The following LRRC8C variants were observed in gnomAD, a reference collection of about 807,000 sequenced individuals.
LRRC8C encodes the protein leucine rich repeat containing 8 VRAC subunit C, also known as volume-regulated anion channel subunit LRRC8C.
LRRC8C carries 20 observed loss-of-function variants against 55.3 expected under a neutral mutation model. The observed-to-expected ratio is 0.36, with a 90% CI of 0.25 to 0.53. The LOEUF is 0.53. Among genes scored for constraint, LRRC8C ranks in the 20% least tolerant of loss-of-function variants. LRRC8C has a pLI of 0.92. For synonymous variants in LRRC8C, 376 were observed against 360.7 expected, an observed-to-expected ratio of 1.04 and a Z score of -0.48; for missense variants, 659 against 951.4, an observed-to-expected ratio of 0.69 and a Z score of 4.04.
intron 2 of LRRC8C, among the ~76,000 whole-genome samples, chr1:89,699,141 C>T (rs1409067204): frequency 1.3e-5 from 2 of 152,248 alleles, no homozygotes; most frequent in East Asian, 1.9e-4. Flanking sequence ...TAAAAGGATA[C>T]ATGCTGTATG....
chr1:89,653,280 C>T (rs976381386), intron 1 of LRRC8C, among the ~76,000 whole-genome samples: 1 of 152,070 alleles, frequency 6.6e-6, no homozygotes, highest in East Asian at 1.9e-4. Flanking sequence ...ACAATAATGC[C>T]ACTGAATGTT....
chr1:89,704,343 C>G (rs908440224), intron 2 of LRRC8C, among the ~76,000 whole-genome samples: 1 of 152,212 alleles, frequency 6.6e-6, no homozygotes, highest in Middle Eastern at 3.4e-3. Context: ...TCCCTACATG[C>G]ATGTCATCAT....
At chr1:89,705,383 C>G (rs2101339127) in intron 2 of LRRC8C, among the ~76,000 whole-genome samples, 1 of 149,902 alleles carries the variant, frequency 6.7e-6, no homozygotes, top group Non-Finnish European at 1.5e-5. Flanking sequence ...TGTAACTAAC[C>G]TGCACATTGT....
chr1:89,616,843 A>G, the LRRC8C span, among the ~76,000 whole-genome samples: 1 of 152,204 alleles, frequency 6.6e-6, no homozygotes, highest in Non-Finnish European at 1.5e-5. Context: ...GTGCCTACAA[A>G]GTGAGGATAT....
intron 1 of LRRC8C, among the ~76,000 whole-genome samples, chr1:89,675,681 A>G (rs1657529242): frequency 6.6e-6 from 1 of 152,264 alleles, no homozygotes; most frequent in African/African-American, 2.4e-5. Flanking sequence ...GGCCTTAACC[A>G]CAGCCAATGA....
chr1:89,622,334 A>ATTTT, the LRRC8C span, among the ~76,000 whole-genome samples: 37,721 of 126,696 alleles, frequency 0.3, 5,291 homozygotes, highest in Non-Finnish European at 0.34. Context: ...ATACATGTAA[A>ATTTT]ATTTTTTTTT....
chr1:89,672,245 T>A (rs1323359123), intron 1 of LRRC8C, among the ~76,000 whole-genome samples: 1 of 152,224 alleles, frequency 6.6e-6, no homozygotes, highest in Admixed American at 6.5e-5. Flanking sequence ...CAAGCATCAC[T>A]TCCTAAACCC....
intron 1 of LRRC8C, among the ~76,000 whole-genome samples, chr1:89,675,728 AG>A (rs1657530144): frequency 6.6e-6 from 1 of 152,184 alleles, no homozygotes; most frequent in South Asian, 2.1e-4. Context: ...AGCCTTTTCA[AG>A]GGTTTAGAAT....
At chr1:89,652,943 A>T (rs957260199) in intron 1 of LRRC8C, among the ~76,000 whole-genome samples, 2 of 152,140 alleles carry the variant, frequency 1.3e-5, no homozygotes. Flanking sequence ...GCAAATATAA[A>T]TATGTTCCCC....
At chr1:89,648,613 A>G (rs557897098) in intron 1 of LRRC8C, among the ~76,000 whole-genome samples, 5 of 152,220 alleles carry the variant, frequency 3.3e-5, no homozygotes, top group African/African-American at 1.2e-4. Context: ...TACAAACCAC[A>G]TATTTGTTTA....
At chr1:89,639,217 T>G (rs1403203306) in intron 1 of LRRC8C, among the ~76,000 whole-genome samples, 1 of 151,972 alleles carries the variant, frequency 6.6e-6, no homozygotes, top group Non-Finnish European at 1.5e-5. Flanking sequence ...GATCTCTTGA[T>G]GTCATGATCC....
intron 1 of LRRC8C, among the ~76,000 whole-genome samples, chr1:89,645,980 G>A (rs1656603226): frequency 6.6e-6 from 1 of 152,056 alleles, no homozygotes; most frequent in South Asian, 2.1e-4. Context: ...TAGATAGATA[G>A]ATAGATATGG....
At chr1:89,677,387 G>GTA (rs1657580664) in intron 1 of LRRC8C, among the ~76,000 whole-genome samples, 1 of 152,204 alleles carries the variant, frequency 6.6e-6, no homozygotes, top group Non-Finnish European at 1.5e-5. Flanking sequence ...TATGAGGACA[G>GTA]TATAGCTTAA....
At chr1:89,652,482 G>T (rs929233093) in intron 1 of LRRC8C, among the ~76,000 whole-genome samples, 2 of 152,096 alleles carry the variant, frequency 1.3e-5, no homozygotes, top group African/African-American at 2.4e-5. Context: ...ATAGTGGCTG[G>T]GTCTCTGGGA....
intron 1 of LRRC8C, among the ~76,000 whole-genome samples, chr1:89,684,686 A>G (rs1319223170): frequency 6.6e-6 from 1 of 152,212 alleles, no homozygotes; most frequent in Non-Finnish European, 1.5e-5. Flanking sequence ...CAAAGTTTGG[A>G]CTAGTCTGAA....
chr1:89,625,465 A>G, the LRRC8C span, among the ~76,000 whole-genome samples: 2 of 152,194 alleles, frequency 1.3e-5, no homozygotes, highest in Non-Finnish European at 2.9e-5. Context: ...CTGAGAAGGG[A>G]AATCAGGCTT....
intron 1 of LRRC8C, among the ~76,000 whole-genome samples, chr1:89,636,192 A>G (rs971264692): frequency 6.6e-6 from 1 of 152,236 alleles, no homozygotes; most frequent in Non-Finnish European, 1.5e-5. Flanking sequence ...TACTTGTAAT[A>G]GTGCATGTAA....
chr1:89,617,564 C>T, the LRRC8C span, among the ~76,000 whole-genome samples: 1 of 152,216 alleles, frequency 6.6e-6, no homozygotes, highest in African/African-American at 2.4e-5. Context: ...GCTTGATCTA[C>T]TTCCATGGAT....
rs181628758 is a variant in LRRC8C at position 89,648,724 on chromosome 1, A to G, written c.-5+15402A>G. On this transcript the variant is annotated intron_variant, in intron 1 of 2. Coordinates refer to ENST00000370454, the MANE Select transcript of LRRC8C (RefSeq NM_032270.5). ...TTTATCACCCCAAAAAGTAACATCT[A>G]TGCATTAGCTATTACCCCTGCTCCC... Among the ~76,000 whole-genome samples, 386 of 152,316 alleles carry G rather than the reference A, an allele frequency of 2.5e-3. 5 individuals carry two copies. The highest frequency in any genetic ancestry group is 4.6e-4 in the Non-Finnish European group (31 of 68,030).
Sources: allele counts gnomAD v4.1 joint callset (sites outside exome capture counted in the v4.1 genomes callset), GRCh38; gene constraint gnomAD v4.1.1; transcripts MANE v1.5; gene names NCBI Gene and HGNC (gene_info 2026-07-23, HGNC 2026-07-21).